Variants in ADGRL3 observed in about 807,000 individuals in gnomAD.
ADGRL3 encodes adhesion G protein-coupled receptor L3.
In ADGRL3, 62 loss-of-function variants were observed where a neutral mutation model predicts 153.5. That is an observed-to-expected ratio of 0.40 (90% CI 0.33 to 0.50). The LOEUF (loss-of-function observed/expected upper bound fraction) is 0.50. Among genes scored for constraint, ADGRL3 ranks in the 20% least tolerant of loss-of-function variants. ADGRL3 has a pLI of 0.47. For missense variants in ADGRL3, 1,641 were observed against 1,859.4 expected (o/e 0.88, Z 2.16); for synonymous variants, 710 against 672.5 (o/e 1.06, Z -0.86).
At chr4:61,910,337 G>A (rs1422554472) in intron 12 of ADGRL3, among the ~76,000 whole-genome samples, 1 of 151,564 alleles carries the variant, frequency 6.6e-6, no homozygotes, top group South Asian at 2.1e-4. Context: ...AATGTTAAAA[G>A]CTTAAATATA....
At chr4:61,426,687 C>T (rs1353929469) in intron 2 of ADGRL3, 1 of 152,292 alleles carries the variant, frequency 6.6e-6, no homozygotes, top group Non-Finnish European at 1.5e-5. Flanking sequence ...TGGCCAGTTC[C>T]CTAATCAAAC....
intron 1 of ADGRL3, among the ~76,000 whole-genome samples, chr4:61,358,323 A>T (rs6820195): frequency 1.3e-5 from 2 of 151,818 alleles, no homozygotes; most frequent in Admixed American, 1.3e-4. Flanking sequence ...TTGGGCCGGG[A>T]GCGGTGGCTC....
chr4:61,809,597 C>G (rs1157259356), intron 8 of ADGRL3, among the ~76,000 whole-genome samples: 3 of 151,998 alleles, frequency 2.0e-5, no homozygotes, highest in Non-Finnish European at 4.4e-5. Flanking sequence ...AGCTGCTCAT[C>G]GCACTCCAGA....
At chr4:61,436,611 A>G (rs1251906854) in intron 2 of ADGRL3, among the ~76,000 whole-genome samples, 2 of 152,180 alleles carry the variant, frequency 1.3e-5, no homozygotes, top group African/African-American at 4.8e-5. Context: ...GAAAGAAGTA[A>G]ATACCAGGAG....
At chr4:61,930,175 CA>C (rs5858743) in intron 13 of ADGRL3, among the ~76,000 whole-genome samples, 6,144 of 72,524 alleles carry the variant, frequency 0.085, 153 homozygotes, top group East Asian at 0.27. Context: ...GACTCTGTCT[CA>C]AAAAAAAAAA....
intron 1 of ADGRL3, among the ~76,000 whole-genome samples, chr4:61,261,668 T>C (rs2092531531): frequency 6.6e-6 from 1 of 152,092 alleles, no homozygotes; most frequent in South Asian, 2.1e-4. Context: ...TAGTGCTGAA[T>C]AAAAGAGACA....
chr4:61,764,734 T>C (rs576642430), intron 8 of ADGRL3, among the ~76,000 whole-genome samples: 1 of 151,892 alleles, frequency 6.6e-6, no homozygotes, highest in African/African-American at 2.4e-5. Context: ...TAAAACAAAA[T>C]AGTGTTGAAG....
chr4:61,650,412 T>G (rs2094203495), intron 5 of ADGRL3, among the ~76,000 whole-genome samples: 1 of 152,196 alleles, frequency 6.6e-6, no homozygotes, highest in African/African-American at 2.4e-5. Context: ...AAGATTTTTA[T>G]CAGTTTCAAT....
At chr4:61,676,338 A>G (rs2150898310) in intron 5 of ADGRL3, among the ~76,000 whole-genome samples, 1 of 152,098 alleles carries the variant, frequency 6.6e-6, no homozygotes, top group South Asian at 2.1e-4. Flanking sequence ...ACTTTTTACT[A>G]ATTTGTTAGG....
chr4:61,428,831 TTATCTATCTATCTATC>T (rs4038727), intron 2 of ADGRL3, among the ~76,000 whole-genome samples: 5 of 135,204 alleles, frequency 3.7e-5, no homozygotes, highest in East Asian at 2.1e-4. Flanking sequence ...TAGCTATCAT[TTATCTATCTATCTATC>T]TATCTATCTA....
At chr4:61,746,831 A>G (rs2096669073) in intron 8 of ADGRL3, among the ~76,000 whole-genome samples, 1 of 152,116 alleles carries the variant, frequency 6.6e-6, no homozygotes, top group Non-Finnish European at 1.5e-5. Context: ...TTCAAAAGCT[A>G]GCAGAAGGCA....
rs139445093 is a variant in ADGRL3, at chr4:61,205,800, A to T, written c.-240+4035A>T. Among the ~76,000 whole-genome samples, 715 of 152,288 alleles carry T rather than the reference A, an allele frequency of 4.7e-3. 8 individuals are homozygous for T. Among genetic ancestry groups the T allele is most frequent in the African/African-American group, 0.017 (686 of 41,562 alleles). ...AGAGAAAAATCCAGATTTTTCATTC[A>T]TTGTAATACATTGTGAGAATGTAGC... On this transcript the variant is annotated intron_variant, in intron 1 of 26. Coordinates refer to ENST00000683033, the MANE Select transcript of ADGRL3 (RefSeq NM_001387552.1).
At chr4:61,214,527 A>T (rs1157265487) in intron 1 of ADGRL3, among the ~76,000 whole-genome samples, 1 of 152,172 alleles carries the variant, frequency 6.6e-6, no homozygotes, top group Admixed American at 6.5e-5. Flanking sequence ...GTTTGTCTAT[A>T]AAAGTAGATG....
chr4:62,036,777 T>C (rs975386055), intron 23 of ADGRL3, among the ~76,000 whole-genome samples: 1 of 152,030 alleles, frequency 6.6e-6, no homozygotes, highest in Admixed American at 6.6e-5. Context: ...TGATGTTGTT[T>C]CATAATATAA....
chr4:61,319,181 A>G (rs2150716360), intron 1 of ADGRL3, among the ~76,000 whole-genome samples: 1 of 152,234 alleles, frequency 6.6e-6, no homozygotes, highest in African/African-American at 2.4e-5. Context: ...AAAGTGTAAA[A>G]ATTTGTTAGA....
intron 1 of ADGRL3, among the ~76,000 whole-genome samples, chr4:61,313,343 C>A (rs1385566295): frequency 6.6e-6 from 1 of 152,138 alleles, no homozygotes; most frequent in Non-Finnish European, 1.5e-5. Flanking sequence ...TGTTAAAACC[C>A]ATAGGATGTA....
intron 1 of ADGRL3, among the ~76,000 whole-genome samples, chr4:61,343,656 A>T (rs1192699857): frequency 6.6e-6 from 1 of 152,224 alleles, no homozygotes; most frequent in African/African-American, 2.4e-5. Flanking sequence ...ATGAAAAAAA[A>T]GTTCCACAGT....
rs562658581 is a variant in ADGRL3, at chr4:61,805,049, G to A, written c.1400-8760G>A. Among the ~76,000 whole-genome samples, 28 of 151,402 alleles carry A rather than the reference G, an allele frequency of 1.8e-4. No homozygotes were observed. In the East Asian group the frequency reaches 4.1e-3, roughly 22 times the overall value. On this transcript the variant is annotated intron_variant, in intron 8 of 26. Transcript: ENST00000683033. Reference sequence around the variant, plus strand: ...CGGCTCACTGCAACCTCCACCTCCCGGATTCAAGCGATTCTCCTGCCTCAG... The same window carrying A: ...CGGCTCACTGCAACCTCCACCTCCCAGATTCAAGCGATTCTCCTGCCTCAG...
At chr4:61,746,038 A>C (rs1482337516) in intron 8 of ADGRL3, among the ~76,000 whole-genome samples, 2 of 152,180 alleles carry the variant, frequency 1.3e-5, no homozygotes, top group African/African-American at 4.8e-5. Context: ...GGAAAACAAA[A>C]AAAGGCAGGG....
Sources: allele counts gnomAD v4.1 joint callset (sites outside exome capture counted in the v4.1 genomes callset), GRCh38; gene constraint gnomAD v4.1.1; transcripts MANE v1.5; gene names NCBI Gene and HGNC (gene_info 2026-07-23, HGNC 2026-07-21).